ACER3: variants seen among roughly 807,000 people sequenced by gnomAD.
The protein encoded by ACER3 is alkaline ceramidase 3, also known as alkCDase 3.
Under a neutral mutation model 48.9 loss-of-function variants are expected in ACER3, and 16 were observed. The observed-to-expected ratio is 0.33, with a 90% CI of 0.22 to 0.50. The LOEUF (loss-of-function observed/expected upper bound fraction) is 0.50, where lower values mean the gene tolerates loss of function less well. Ranked by LOEUF, ACER3 falls within the 20% of genes least tolerant of loss-of-function variation. The pLI is 0.98. For missense variants in ACER3, 227 were observed against 326.0 expected (o/e 0.70, Z 2.34); for synonymous variants, 109 against 107.8 (o/e 1.01, Z -0.07).
At chr11:76,959,429 T>C (rs1029415851) in intron 3 of ACER3, among the ~76,000 whole-genome samples, 1 of 152,208 alleles carries the variant, frequency 6.6e-6, no homozygotes, top group Non-Finnish European at 1.5e-5. Context: ...AGCAAGACTT[T>C]AAAGCAAGCT....
At chr11:76,959,903 C>T (rs1463570058) in intron 3 of ACER3, among the ~76,000 whole-genome samples, 1 of 151,940 alleles carries the variant, frequency 6.6e-6, no homozygotes, top group Non-Finnish European at 1.5e-5. Flanking sequence ...GATTGGACAC[C>T]CCTGCAGAGC....
intron 1 of ACER3, among the ~76,000 whole-genome samples, chr11:76,874,370 G>A (rs549662166): frequency 6.7e-6 from 1 of 150,214 alleles, no homozygotes; most frequent in East Asian, 2.0e-4. Flanking sequence ...ACTTAATAAA[G>A]ATGAGTTGAA....
intron 2 of ACER3, among the ~76,000 whole-genome samples, chr11:76,944,436 A>G (rs541485504): frequency 1.2e-4 from 18 of 152,260 alleles, no homozygotes; most frequent in Admixed American, 3.3e-4. Flanking sequence ...TCTCTGGGAA[A>G]GACTTTATTT....
At chr11:76,874,632 A>G (rs1945323839) in intron 1 of ACER3, among the ~76,000 whole-genome samples, 1 of 152,222 alleles carries the variant, frequency 6.6e-6, no homozygotes, top group Admixed American at 6.5e-5. Flanking sequence ...TCATCCAATC[A>G]TTTAAAAGGC....
intron 3 of ACER3, among the ~76,000 whole-genome samples, chr11:76,974,408 G>A (rs1275827552): frequency 6.6e-6 from 1 of 152,132 alleles, no homozygotes; most frequent in Non-Finnish European, 1.5e-5. Flanking sequence ...TAAGGTAAGA[G>A]CCAACAGTGA....
At chr11:76,950,653 T>G (rs1206432579) in intron 2 of ACER3, among the ~76,000 whole-genome samples, 14 of 151,426 alleles carry the variant, frequency 9.2e-5, no homozygotes, top group Non-Finnish European at 1.5e-5. Flanking sequence ...TGTAGAGACA[T>G]TGTGTCACCA....
chr11:76,897,725 A>G (rs1945969788), intron 1 of ACER3, among the ~76,000 whole-genome samples: 1 of 152,154 alleles, frequency 6.6e-6, no homozygotes. Context: ...TTGAAAGGAC[A>G]AGGCTCAATT....
At chr11:76,932,103 C>T (rs548074896) in intron 2 of ACER3, among the ~76,000 whole-genome samples, 230 of 152,166 alleles carry the variant, frequency 1.5e-3, no homozygotes, top group African/African-American at 5.0e-3. Context: ...CGTATGCCAC[C>T]ATGCCTGGCT....
intron 7 of ACER3, among the ~76,000 whole-genome samples, chr11:77,005,703 G>C (rs1179755444): frequency 6.6e-6 from 1 of 151,720 alleles, no homozygotes; most frequent in Non-Finnish European, 1.5e-5. Context: ...TTCTCCCCAT[G>C]TCTCTGTGTC....
intron 1 of ACER3, among the ~76,000 whole-genome samples, chr11:76,906,257 C>T (rs1421853932): frequency 6.6e-6 from 1 of 152,174 alleles, no homozygotes; most frequent in Non-Finnish European, 1.5e-5. Flanking sequence ...GAATTCTGCT[C>T]AAGTATAGAT....
chr11:76,865,395 A>G (rs1945053994), intron 1 of ACER3, among the ~76,000 whole-genome samples: 1 of 152,080 alleles, frequency 6.6e-6, no homozygotes, highest in Non-Finnish European at 1.5e-5. Flanking sequence ...CTTTAATGCA[A>G]AGTTTTTTTT....
At chr11:76,917,225 T>C (rs1048126410) in intron 1 of ACER3, among the ~76,000 whole-genome samples, 1 of 152,182 alleles carries the variant, frequency 6.6e-6, no homozygotes, top group Non-Finnish European at 1.5e-5. Flanking sequence ...CTGGAGGTCT[T>C]CCAGAAGCCA....
intron 2 of ACER3, among the ~76,000 whole-genome samples, chr11:76,941,352 T>C (rs1947339599): frequency 1.3e-5 from 2 of 152,212 alleles, no homozygotes; most frequent in Admixed American, 1.3e-4. Flanking sequence ...ATTTAGTCAT[T>C]TTAAAATTTA....
chr11:76,885,845 T>C (rs1432492566), intron 1 of ACER3, among the ~76,000 whole-genome samples: 1 of 152,074 alleles, frequency 6.6e-6, no homozygotes, highest in African/African-American at 2.4e-5. Flanking sequence ...GGAGGAGCAA[T>C]TCCACCAGGG....
chr11:76,904,071 C>T (rs1011454635), intron 1 of ACER3, among the ~76,000 whole-genome samples: 2 of 152,128 alleles, frequency 1.3e-5, no homozygotes, highest in African/African-American at 4.8e-5. Flanking sequence ...ACTGCAACCT[C>T]AGCCTCGTGG....
chr11:76,877,294 A>G (rs1052210320), intron 1 of ACER3, among the ~76,000 whole-genome samples: 1 of 152,180 alleles, frequency 6.6e-6, no homozygotes, highest in Non-Finnish European at 1.5e-5. Context: ...TTTTCAGAGC[A>G]TGCAGCTTTT....
intron 1 of ACER3, among the ~76,000 whole-genome samples, chr11:76,909,748 G>C (rs998000944): frequency 2.0e-5 from 3 of 152,120 alleles, no homozygotes; most frequent in African/African-American, 7.2e-5. Flanking sequence ...AATACCATTT[G>C]ACCCAGCAAT....
At chr11:76,934,952 A>G (rs1489800620) in intron 2 of ACER3, among the ~76,000 whole-genome samples, 1 of 152,252 alleles carries the variant, frequency 6.6e-6, no homozygotes, top group East Asian at 1.9e-4. Flanking sequence ...CAGAAGGAAG[A>G]TGTAATACAA....
rs1038199338 is a variant in ACER3, at chr11:76,958,697, T to C, written c.215-282T>C. 7.9e-5 allele frequency: 34 copies of C among 428,436 alleles called. No individual in the cohort carries two copies. The East Asian group carries it at 1.6e-3, about 21-fold the overall frequency. 26.5% of individuals were successfully genotyped at this position (428,436 alleles called of 1,614,324 possible). A position where few individuals can be genotyped will look rare whatever the true frequency, so the allele number is the denominator to read the frequency against. ...AACCAGCTATGTGCATTAAAACTTA[T>C]CCTGAGCATCAGATAATACATTTTA... On this transcript the variant is annotated intron_variant, in intron 2 of 10. Transcript: ENST00000532485.
Sources: allele counts gnomAD v4.1 joint callset (sites outside exome capture counted in the v4.1 genomes callset), GRCh38; gene constraint gnomAD v4.1.1; transcripts MANE v1.5; gene names NCBI Gene and HGNC (gene_info 2026-07-23, HGNC 2026-07-21).